The following SCHIP1 variants were observed in gnomAD, a reference collection of about 807,000 sequenced individuals.
SCHIP1 encodes schwannomin interacting protein 1.
In SCHIP1, 8 loss-of-function variants were observed where a neutral mutation model predicts 29.7. The observed-to-expected ratio is 0.27, with a 90% CI of 0.16 to 0.49. The LOEUF (loss-of-function observed/expected upper bound fraction) is 0.49, where lower values mean the gene tolerates loss of function less well. Among genes scored for constraint, SCHIP1 ranks in the 20% least tolerant of loss-of-function variants. The pLI, the probability that SCHIP1 is intolerant of heterozygous loss-of-function variation, is 0.99. For synonymous variants in SCHIP1, 76 were observed against 94.9 expected, an observed-to-expected ratio of 0.80 and a Z score of 1.16; for missense variants, 193 against 294.6, an observed-to-expected ratio of 0.66 and a Z score of 2.52.
At chr3:159,539,789 A>G in the SCHIP1 span, among the ~76,000 whole-genome samples, 68 of 115,192 alleles carry the variant, frequency 5.9e-4, 7 homozygotes, top group African/African-American at 1.6e-3. Flanking sequence ...AAACATGCAC[A>G]CTATTACAGC....
At chr3:159,873,256 T>C (rs1715461456) in intron 2 of SCHIP1, among the ~76,000 whole-genome samples, 1 of 152,218 alleles carries the variant, frequency 6.6e-6, no homozygotes, top group African/African-American at 2.4e-5. Context: ...AATGCTAAGC[T>C]TACTTTTTAA....
chr3:159,362,651 C>G, the SCHIP1 span, among the ~76,000 whole-genome samples: 1 of 152,192 alleles, frequency 6.6e-6, no homozygotes, highest in Non-Finnish European at 1.5e-5. Flanking sequence ...TGCAGGAAAA[C>G]TGGTCAGGCC....
chr3:159,384,826 G>T, the SCHIP1 span, among the ~76,000 whole-genome samples: 2 of 152,196 alleles, frequency 1.3e-5, no homozygotes, highest in South Asian at 4.2e-4. Context: ...CTTCTTCCTG[G>T]TTTAGTCTTG....
chr3:159,559,573 T>C, the SCHIP1 span, among the ~76,000 whole-genome samples: 2 of 152,240 alleles, frequency 1.3e-5, no homozygotes, highest in African/African-American at 2.4e-5. Flanking sequence ...ACATGTAATA[T>C]ACAAATCTTA....
the SCHIP1 span, among the ~76,000 whole-genome samples, chr3:159,350,487 A>T: frequency 2.6e-5 from 4 of 152,094 alleles, no homozygotes; most frequent in African/African-American, 7.2e-5. Context: ...AAATATTTCA[A>T]TTTTTTTCCT....
At chr3:159,739,614 C>G in the SCHIP1 span, among the ~76,000 whole-genome samples, 1 of 152,140 alleles carries the variant, frequency 6.6e-6, no homozygotes, top group Non-Finnish European at 1.5e-5. Flanking sequence ...TTTTGTGGCA[C>G]CAAATTACAG....
At chr3:159,542,372 TC>T in the SCHIP1 span, among the ~76,000 whole-genome samples, 1 of 152,024 alleles carries the variant, frequency 6.6e-6, no homozygotes, top group Non-Finnish European at 1.5e-5. Context: ...GTTGAATATC[TC>T]CCCCAATCCC....
chr3:159,597,716 G>A, the SCHIP1 span, among the ~76,000 whole-genome samples: 2,685 of 152,124 alleles, frequency 0.018, 101 homozygotes, highest in African/African-American at 0.062. Flanking sequence ...CTTTGCTTTT[G>A]TGAAGAGTAC....
chr3:159,445,386 G>A, the SCHIP1 span, among the ~76,000 whole-genome samples: 1 of 151,364 alleles, frequency 6.6e-6, no homozygotes, highest in East Asian at 2.0e-4. Flanking sequence ...AACAGGTGCT[G>A]GAGAGGATGT....
At chr3:159,633,842 T>C in the SCHIP1 span, among the ~76,000 whole-genome samples, 163 of 152,316 alleles carry the variant, frequency 1.1e-3, no homozygotes, top group Middle Eastern at 3.4e-3. Flanking sequence ...TCTGATGTGA[T>C]GAAATATTTG....
the SCHIP1 span, among the ~76,000 whole-genome samples, chr3:159,714,763 G>A: frequency 6.6e-6 from 1 of 152,200 alleles, no homozygotes; most frequent in East Asian, 1.9e-4. Flanking sequence ...GAACTGGGTG[G>A]AGCCCACCTC....
the SCHIP1 span, among the ~76,000 whole-genome samples, chr3:159,688,590 T>C: frequency 2.6e-5 from 4 of 152,206 alleles, no homozygotes. Flanking sequence ...GTGCAGAAGC[T>C]CTTTTGTTTA....
rs994325964 is a variant in SCHIP1 at position 159,854,104 on chromosome 3, C to T, written c.31-12059C>T. ...TAAAACACACACTATGTCCTTCCCT[C>T]TTCATTATTTGCCACAAGTCAAGTG... On this transcript the variant is annotated intron_variant, in intron 1 of 6. Transcript: ENST00000445224. 3.3e-5 allele frequency among the ~76,000 whole-genome samples: 5 copies of T among 152,224 alleles called. No homozygotes were observed. The South Asian group carries it at 1.0e-3, about 31-fold the overall frequency.
At chr3:159,766,479 A>G in the SCHIP1 span, among the ~76,000 whole-genome samples, 1 of 152,186 alleles carries the variant, frequency 6.6e-6, no homozygotes, top group Admixed American at 6.5e-5. Context: ...ACTATCTCTT[A>G]TACCTTGCAA....
the SCHIP1 span, among the ~76,000 whole-genome samples, chr3:159,464,019 A>G: frequency 2.1e-3 from 314 of 152,296 alleles, 2 homozygotes; most frequent in African/African-American, 7.3e-3. Flanking sequence ...CAATACCAGA[A>G]TGAACATCTT....
the SCHIP1 span, among the ~76,000 whole-genome samples, chr3:159,733,487 T>TA: frequency 2.0e-5 from 3 of 152,058 alleles, no homozygotes; most frequent in Non-Finnish European, 4.4e-5. Flanking sequence ...CCCAGGAATT[T>TA]AAAAAAAGAG....
At chr3:159,802,480 C>G in the SCHIP1 span, among the ~76,000 whole-genome samples, 1 of 152,188 alleles carries the variant, frequency 6.6e-6, no homozygotes, top group African/African-American at 2.4e-5. Context: ...TAGAAGAAAG[C>G]AGTCATCTTC....
At chr3:159,829,504 TAAG>T in the SCHIP1 span, among the ~76,000 whole-genome samples, 3 of 152,202 alleles carry the variant, frequency 2.0e-5, no homozygotes, top group Non-Finnish European at 4.4e-5. Flanking sequence ...AAAGCTGTGG[TAAG>T]AAGAATATAA....
chr3:159,750,296 T>TATATATATATATATACACAC, the SCHIP1 span, among the ~76,000 whole-genome samples: 2 of 132,744 alleles, frequency 1.5e-5, no homozygotes, highest in African/African-American at 6.2e-5. Flanking sequence ...TATATATATA[T>TATATATATATATATACACAC]ACACACACAC....
Sources: allele counts gnomAD v4.1 joint callset (sites outside exome capture counted in the v4.1 genomes callset), GRCh38; gene constraint gnomAD v4.1.1; transcripts MANE v1.5; gene names NCBI Gene and HGNC (gene_info 2026-07-23, HGNC 2026-07-21).